DNM3: variants seen among roughly 807,000 people sequenced by gnomAD.
DNM3 encodes dynamin 3.
Under a neutral mutation model 101.6 loss-of-function variants are expected in DNM3, and 47 were observed. The observed-to-expected ratio is 0.46, with a 90% CI of 0.37 to 0.59. The LOEUF (loss-of-function observed/expected upper bound fraction) is 0.59, where lower values mean the gene tolerates loss of function less well. Ranked by LOEUF, DNM3 falls within the 20% of genes least tolerant of loss-of-function variation. DNM3 has a pLI of 0.00. For missense variants in DNM3, 849 were observed against 1,085.7 expected (o/e 0.78, Z 3.06); for synonymous variants, 385 against 387.9 (o/e 0.99, Z 0.09).
intron 11 of DNM3, among the ~76,000 whole-genome samples, chr1:172,073,082 TA>T (rs34946692): frequency 0.3 from 45,691 of 151,632 alleles, 8,211 homozygotes; most frequent in Non-Finnish European, 0.39. Flanking sequence ...AGAGAAATAT[TA>T]AAAAAAATTA....
intron 11 of DNM3, among the ~76,000 whole-genome samples, chr1:172,072,628 C>T (rs1199365109): frequency 6.6e-6 from 1 of 152,202 alleles, no homozygotes; most frequent in East Asian, 1.9e-4. Flanking sequence ...TGGCTCACGC[C>T]TGTAATCCCA....
intron 17 of DNM3, chr1:172,339,072 G>T: frequency 2.0e-6 from 1 of 491,966 alleles, no homozygotes; most frequent in Non-Finnish European, 4.1e-6. Flanking sequence ...GATTACTATT[G>T]AAGAAAAGTT....
chr1:172,207,438 A>G lies in DNM3; in HGVS notation c.1660-46135A>G, dbSNP rs573931356. 2.0e-5 allele frequency among the ~76,000 whole-genome samples: 3 copies of G among 152,138 alleles called. No homozygotes were observed. In the South Asian group the frequency reaches 6.2e-4, roughly 32 times the overall value. Reference sequence around the variant, plus strand: ...ATAATTTTCATGGGAACTTAATTGAATATTTTTTAAAGTTTTATTTCTTAT... The same window carrying G: ...ATAATTTTCATGGGAACTTAATTGAGTATTTTTTAAAGTTTTATTTCTTAT... On this transcript the variant is annotated intron_variant, in intron 14 of 20. Transcript: ENST00000627582.
At chr1:172,330,151 A>T (rs2066119438) in intron 17 of DNM3, among the ~76,000 whole-genome samples, 1 of 152,204 alleles carries the variant, frequency 6.6e-6, no homozygotes, top group Non-Finnish European at 1.5e-5. Flanking sequence ...TTATCAAATG[A>T]TTCCATAATT....
chr1:172,281,575 T>C (rs2063492225), intron 15 of DNM3, among the ~76,000 whole-genome samples: 1 of 152,182 alleles, frequency 6.6e-6, no homozygotes, highest in African/African-American at 2.4e-5. Flanking sequence ...TTGATATATA[T>C]AATTTAGTAC....
At chr1:172,392,364 C>T (rs1179587841) in intron 20 of DNM3, among the ~76,000 whole-genome samples, 1 of 152,172 alleles carries the variant, frequency 6.6e-6, no homozygotes, top group East Asian at 1.9e-4. Context: ...GTCACCTCCC[C>T]TCTCACCTCC....
intron 17 of DNM3, among the ~76,000 whole-genome samples, chr1:172,372,763 C>T (rs901550480): frequency 1.4e-5 from 2 of 147,842 alleles, no homozygotes; most frequent in African/African-American, 5.0e-5. Flanking sequence ...GGCTCACTCC[C>T]ACTTCTGCCT....
intron 2 of DNM3, among the ~76,000 whole-genome samples, chr1:171,985,186 A>C (rs1489819413): frequency 6.6e-6 from 1 of 152,210 alleles, no homozygotes; most frequent in Admixed American, 6.5e-5. Context: ...TGTGATAGCC[A>C]TAAGTCTTGA....
Position 172,157,594 on chromosome 1 carries a change from T to C in DNM3, c.1659+26306T>C, listed in dbSNP as rs12058378. Among the ~76,000 whole-genome samples the C allele has an allele frequency of 9.7e-3, 1,471 of 152,188 alleles. 31 individuals carry two copies. The highest frequency in any genetic ancestry group is 0.033 in the African/African-American group (1,391 of 41,546). On this transcript the variant is annotated intron_variant, in intron 14 of 20. Transcript: ENST00000627582. ...ATCTGTGGATTCAACCAATTGCAGATTGAAAATATTTGAAAAAAATTGGGT... is the reference window on the plus strand; with the variant it reads ...ATCTGTGGATTCAACCAATTGCAGACTGAAAATATTTGAAAAAAATTGGGT...
chr1:172,376,332 A>G (rs549701040), intron 17 of DNM3: 1 of 152,230 alleles, frequency 6.6e-6, no homozygotes, highest in East Asian at 1.9e-4. Context: ...CTCAAAGATC[A>G]GAGACAAATT....
chr1:172,354,112 T>TGTGAGA (rs138540712), intron 17 of DNM3, among the ~76,000 whole-genome samples: 3,947 of 94,966 alleles, frequency 0.042, 112 homozygotes, highest in Middle Eastern at 0.064. Context: ...TGTGTGTGTG[T>TGTGAGA]GAGAGAGAGA....
chr1:171,965,911 A>G (rs1181961054), intron 2 of DNM3, among the ~76,000 whole-genome samples: 1 of 152,160 alleles, frequency 6.6e-6, no homozygotes, highest in Non-Finnish European at 1.5e-5. Flanking sequence ...GTCAATGAAG[A>G]ATCCCCCCAT....
At chr1:172,076,548 G>A (rs1278772923) in intron 11 of DNM3, among the ~76,000 whole-genome samples, 8 of 152,090 alleles carry the variant, frequency 5.3e-5, no homozygotes, top group Non-Finnish European at 1.5e-5. Flanking sequence ...TTTATTGAAG[G>A]CTTTTTCTCC....
At chr1:172,267,880 T>C (rs2062929297) in intron 15 of DNM3, among the ~76,000 whole-genome samples, 1 of 152,072 alleles carries the variant, frequency 6.6e-6, no homozygotes, top group South Asian at 2.1e-4. Flanking sequence ...GCCCAGCTAA[T>C]TTTTTGTATT....
intron 7 of DNM3, among the ~76,000 whole-genome samples, chr1:172,041,253 C>A (rs1181733561): frequency 6.6e-6 from 1 of 151,996 alleles, no homozygotes; most frequent in East Asian, 1.9e-4. Context: ...GAAGAAATTA[C>A]CTACAACTGG....
intron 15 of DNM3, among the ~76,000 whole-genome samples, chr1:172,308,334 A>C (rs1266424820): frequency 6.6e-6 from 1 of 152,172 alleles, no homozygotes; most frequent in Non-Finnish European, 1.5e-5. Context: ...GTGCATCTTA[A>C]AGTTTTATGA....
At chr1:172,312,734 G>T (rs1248229886) in intron 16 of DNM3, among the ~76,000 whole-genome samples, 1 of 152,016 alleles carries the variant, frequency 6.6e-6, no homozygotes, top group Non-Finnish European at 1.5e-5. Flanking sequence ...AGATTAAAAA[G>T]ATGAAATTCC....
chr1:172,410,701 T>C lies in DNM3; in HGVS notation c.*2860T>C, dbSNP rs1310012572. ...ATAGACGAGCAGTAGGGTCTGTTTA[T>C]TAGCAAATTTCCTATTTGTTCCAAT... is the stretch of plus-strand genomic sequence containing the variant. On this transcript the variant is annotated 3_prime_UTR_variant, in exon 21 of 21. Coordinates refer to ENST00000627582, the MANE Select transcript of DNM3 (RefSeq NM_015569.5). 1.0e-6 allele frequency: 1 copy of C among 985,228 alleles called. No homozygotes were observed. The highest frequency in any genetic ancestry group is 1.7e-5 in the African/African-American group (1 of 57,238). 61.0% of individuals were successfully genotyped at this position (985,228 alleles called of 1,614,324 possible).
intron 18 of DNM3, among the ~76,000 whole-genome samples, chr1:172,385,493 A>AT (rs2069132156): frequency 6.6e-6 from 1 of 152,212 alleles, no homozygotes; most frequent in Non-Finnish European, 1.5e-5. Context: ...TCCTAAATAC[A>AT]TCTTGTGTAT....
Sources: gnomAD v4.1 joint callset for allele counts (sites outside exome capture counted in the v4.1 genomes callset) on GRCh38, gnomAD v4.1.1 for gene constraint, MANE v1.5 for transcripts, NCBI Gene and HGNC (gene_info 2026-07-23, HGNC 2026-07-21) for gene names.